Variants in ASTN2 observed in about 807,000 individuals in gnomAD.
ASTN2 encodes the protein astrotactin 2, also known as astrotactin-2.
Under a neutral mutation model 139.8 loss-of-function variants are expected in ASTN2, and 54 were observed. That is an observed-to-expected ratio of 0.39 (90% CI 0.31 to 0.48). The LOEUF is 0.48. Among genes scored for constraint, ASTN2 ranks in the 20% least tolerant of loss-of-function variants. The pLI, the probability that ASTN2 is intolerant of heterozygous loss-of-function variation, is 0.95. For missense variants in ASTN2, 1,565 were observed against 1,725.1 expected (o/e 0.91, Z 1.64); for synonymous variants, 756 against 719.5 (o/e 1.05, Z -0.81).
At chr9:117,025,577 A>G (rs1838044315) in intron 6 of ASTN2, among the ~76,000 whole-genome samples, 1 of 152,150 alleles carries the variant, frequency 6.6e-6, no homozygotes, top group Admixed American at 6.5e-5. Flanking sequence ...TGGGTGCCAC[A>G]GACTGATCAC....
chr9:117,320,902 C>T (rs925144450), intron 1 of ASTN2, among the ~76,000 whole-genome samples: 4 of 152,168 alleles, frequency 2.6e-5, no homozygotes, highest in Non-Finnish European at 5.9e-5. Context: ...CAAAGGAAGT[C>T]TTGGAATTAA....
intron 1 of ASTN2, among the ~76,000 whole-genome samples, chr9:117,321,446 C>T (rs1163735142): frequency 6.6e-6 from 1 of 152,138 alleles, no homozygotes; most frequent in Non-Finnish European, 1.5e-5. Flanking sequence ...AAGCTGTGTG[C>T]CCCACTCCCA....
rs185658540 is a variant in ASTN2 at position 116,860,078 on chromosome 9, G to A, written c.2040+3505C>T. On this transcript the variant is annotated intron_variant, in intron 11 of 22. Transcript: ENST00000313400. ...AGAGGAAGGAGAGTGATGGACAAGG[G>A]CCAAGTGATGCAGCAGGTACCAGAT... is the stretch of plus-strand genomic sequence containing the variant. Among the ~76,000 whole-genome samples, 21 of 152,274 alleles carry A rather than the reference G, an allele frequency of 1.4e-4. 1 individual carries two copies. Among genetic ancestry groups the A allele is most frequent in the African/African-American group, 5.1e-4 (21 of 41,556 alleles).
At chr9:117,363,530 C>T (rs1282069654) in intron 1 of ASTN2, among the ~76,000 whole-genome samples, 1 of 152,102 alleles carries the variant, frequency 6.6e-6, no homozygotes, top group Non-Finnish European at 1.5e-5. Flanking sequence ...GACACAAGCA[C>T]CCGTGATTGC....
intron 4 of ASTN2, among the ~76,000 whole-genome samples, chr9:117,133,099 A>T (rs909816344): frequency 6.6e-6 from 1 of 152,208 alleles, no homozygotes; most frequent in African/African-American, 2.4e-5. Flanking sequence ...CAAATTCTGA[A>T]TTGTTTAGTG....
intron 11 of ASTN2, among the ~76,000 whole-genome samples, chr9:116,826,110 G>A (rs10817940): frequency 0.19 from 29,625 of 152,188 alleles, 3,132 homozygotes; most frequent in East Asian, 0.46. Flanking sequence ...CACCGTTTTT[G>A]ACAGTTTAAT....
chr9:116,600,065 G>C (rs2131753815), intron 19 of ASTN2, among the ~76,000 whole-genome samples: 1 of 152,248 alleles, frequency 6.6e-6, no homozygotes, highest in East Asian at 1.9e-4. Flanking sequence ...GCTAATGCCT[G>C]TAATCGCAGT....
chr9:117,156,232 G>A (rs1830430538), intron 3 of ASTN2, among the ~76,000 whole-genome samples: 1 of 151,996 alleles, frequency 6.6e-6, no homozygotes, highest in Non-Finnish European at 1.5e-5. Context: ...TCTTTTGAGT[G>A]CTTACACTGG....
intron 2 of ASTN2, among the ~76,000 whole-genome samples, chr9:117,245,522 C>T (rs746636889): frequency 6.1e-4 from 93 of 152,242 alleles, no homozygotes; most frequent in Middle Eastern, 3.4e-3. Context: ...CCAGACTCTT[C>T]CTCTAATGAC....
chr9:116,777,078 C>CTGTGCTGTGTGAATT (rs1830103025), intron 13 of ASTN2, among the ~76,000 whole-genome samples: 1 of 152,150 alleles, frequency 6.6e-6, no homozygotes, highest in Non-Finnish European at 1.5e-5. Flanking sequence ...CTGATTCAAG[C>CTGTGCTGTGTGAATT]TGTGCTGTGT....
intron 3 of ASTN2, among the ~76,000 whole-genome samples, chr9:117,173,903 T>C (rs977198248): frequency 3.3e-5 from 5 of 151,602 alleles, no homozygotes; most frequent in African/African-American, 1.2e-4. Context: ...ATGAGCAAAG[T>C]TTTTTTAAAC....
intron 19 of ASTN2, among the ~76,000 whole-genome samples, chr9:116,569,885 G>A (rs1853423455): frequency 1.3e-5 from 2 of 152,194 alleles, no homozygotes; most frequent in Admixed American, 6.5e-5. Flanking sequence ...ATAGCCCAAG[G>A]TTTCTCTGAC....
At chr9:117,131,871 C>T (rs1829835329) in intron 4 of ASTN2, among the ~76,000 whole-genome samples, 1 of 152,168 alleles carries the variant, frequency 6.6e-6, no homozygotes, top group Admixed American at 6.5e-5. Flanking sequence ...CTCAGGAACA[C>T]TTTCTCAGGA....
At chr9:116,826,547 C>G (rs1276806718) in intron 11 of ASTN2, among the ~76,000 whole-genome samples, 1 of 152,200 alleles carries the variant, frequency 6.6e-6, no homozygotes, top group African/African-American at 2.4e-5. Flanking sequence ...CAACCCATCA[C>G]AGCTCCCAGC....
In ASTN2 at chr9:116,426,223, C is replaced by G; in HGVS notation, c.3783-135G>C. 3 of 1,083,968 alleles carry G rather than the reference C, an allele frequency of 2.8e-6. No individual in the cohort carries two copies. The South Asian group carries it at 4.7e-5, about 17-fold the overall frequency. 67.1% of individuals were successfully genotyped at this position (1,083,968 alleles called of 1,614,324 possible). On this transcript the variant is annotated intron_variant, in intron 22 of 22. Coordinates refer to ENST00000313400, the MANE Select transcript of ASTN2 (RefSeq NM_001365068.1). ...ATCTACTCCAGATTGGAGTGTGGTA[C>G]TTCAAACACTGATTCAAAAATTGCC...
intron 3 of ASTN2, among the ~76,000 whole-genome samples, chr9:117,212,825 C>A (rs931607949): frequency 1.3e-5 from 2 of 152,100 alleles, no homozygotes; most frequent in African/African-American, 4.8e-5. Flanking sequence ...AAAACTCATA[C>A]ACTGTCATGC....
At chr9:116,938,142 T>C (rs760838903) in intron 10 of ASTN2, among the ~76,000 whole-genome samples, 2 of 152,226 alleles carry the variant, frequency 1.3e-5, no homozygotes, top group Admixed American at 6.5e-5. Flanking sequence ...CTTTCTACTA[T>C]ACTACCTTAC....
chr9:117,159,166 C>G (rs951726625), intron 3 of ASTN2, among the ~76,000 whole-genome samples: 7 of 152,102 alleles, frequency 4.6e-5, no homozygotes, highest in African/African-American at 1.7e-4. Flanking sequence ...TTAATAGTGC[C>G]ATTTCCAATT....
intron 7 of ASTN2, among the ~76,000 whole-genome samples, chr9:117,000,145 T>C (rs1564377834): frequency 6.6e-6 from 1 of 152,228 alleles, no homozygotes; most frequent in African/African-American, 2.4e-5. Context: ...CACCATATAT[T>C]ATCCACTGCA....
Sources: gnomAD v4.1 joint callset for allele counts (sites outside exome capture counted in the v4.1 genomes callset) on GRCh38, gnomAD v4.1.1 for gene constraint, MANE v1.5 for transcripts, NCBI Gene and HGNC (gene_info 2026-07-23, HGNC 2026-07-21) for gene names.